Variants in NR3C1 observed in about 807,000 individuals in gnomAD.
NR3C1 encodes nuclear receptor subfamily 3 group C member 1.
In NR3C1, 14 loss-of-function variants were observed where a neutral mutation model predicts 74.0. That is an observed-to-expected ratio of 0.19 (90% confidence interval 0.12 to 0.30). NR3C1 has a LOEUF of 0.30. Among genes scored for constraint, NR3C1 ranks in the 10% least tolerant of loss-of-function variants. NR3C1 has a pLI of 1.00. For synonymous variants in NR3C1, 308 were observed against 332.5 expected (o/e 0.93, Z 0.80); for missense variants, 695 against 909.8 (o/e 0.76, Z 3.04).
chr5:143,389,414 T>C (rs1214653193), intron 2 of NR3C1, among the ~76,000 whole-genome samples: 1 of 152,166 alleles, frequency 6.6e-6, no homozygotes, highest in East Asian at 1.9e-4. Context: ...AGGTTGCTTA[T>C]TGATTTCCCA....
At chr5:143,364,343 A>C (rs1319691579) in intron 2 of NR3C1, among the ~76,000 whole-genome samples, 1 of 152,170 alleles carries the variant, frequency 6.6e-6, no homozygotes, top group Non-Finnish European at 1.5e-5. Flanking sequence ...GATAACAAAA[A>C]CTGTGAGAGT....
chr5:143,289,214 G>T (rs1236660774), intron 7 of NR3C1, among the ~76,000 whole-genome samples: 1 of 152,114 alleles, frequency 6.6e-6, no homozygotes. Flanking sequence ...TCAAGACAGG[G>T]TGTTATCAAT....
chr5:143,353,446 G>A (rs996598118), intron 2 of NR3C1, among the ~76,000 whole-genome samples: 3 of 152,040 alleles, frequency 2.0e-5, no homozygotes, highest in Non-Finnish European at 4.4e-5. Flanking sequence ...AGCAATCACT[G>A]TCTATAGCAG....
chr5:143,321,413 C>T (rs1184674930), intron 2 of NR3C1, among the ~76,000 whole-genome samples: 1 of 152,152 alleles, frequency 6.6e-6, no homozygotes, highest in Non-Finnish European at 1.5e-5. Context: ...GGACCTATTC[C>T]TTCCCATCCA....
At chr5:143,333,127 A>G in intron 2 of NR3C1, 1 of 1,591,468 alleles carries the variant, frequency 6.3e-7, no homozygotes, top group South Asian at 1.1e-5. Context: ...CGCCCTTTCC[A>G]CCTCTCAGTG....
chr5:143,307,119 A>C (rs1253114346), intron 4 of NR3C1, among the ~76,000 whole-genome samples: 1 of 151,970 alleles, frequency 6.6e-6, no homozygotes, highest in Non-Finnish European at 1.5e-5. Flanking sequence ...GATAGTCTCG[A>C]TCTCCTGACC....
chr5:143,400,442 G>C lies in NR3C1; in HGVS notation c.398C>G (p.Thr133Ser). The change falls in exon 2 of 9, where the codon ACC becomes AGC. Residue 133 changes from threonine to serine, a missense_variant. Around this residue, in one of 4 missense-constraint regions of NR3C1, gnomAD observed 497 missense variants for 489.5 expected, o/e 1.02. Transcript: ENST00000394464. ...EESIANLNRS[T>S]SVPENPKSSA... ...ACTCTTGGGGTTCTCTGGAACACTG[G>C]TCGACCTATTGAGGTTTGCAATGCT... 1 of 1,614,208 alleles carries C rather than the reference G, an allele frequency of 6.2e-7. No individual in the cohort carries two copies. Among genetic ancestry groups the C allele is most frequent in the East Asian group, 2.2e-5 (1 of 44,884 alleles).
chr5:143,294,107 C>A (rs994765461), intron 7 of NR3C1: 29 of 984,696 alleles, frequency 2.9e-5, no homozygotes, highest in Non-Finnish European at 3.4e-5. Flanking sequence ...TTTTGTTGAG[C>A]AAAAATAGTG....
chr5:143,292,838 T>G (rs1452822936), intron 7 of NR3C1, among the ~76,000 whole-genome samples: 2 of 152,208 alleles, frequency 1.3e-5, no homozygotes, highest in African/African-American at 4.8e-5. Flanking sequence ...GCTGTTTCTC[T>G]GTATTTGTCT....
Position 143,297,770 on chromosome 5 carries a change from G to A in NR3C1, c.1892+898C>T, listed in dbSNP as rs140944428. 3.9e-3 allele frequency among the ~76,000 whole-genome samples: 599 copies of A among 152,324 alleles called. 11 individuals are homozygous for A. Among genetic ancestry groups the A allele is most frequent in the Non-Finnish European group, 2.6e-3 (179 of 68,028 alleles). ...GGTAGAAAGTGAGAGTAACTAGGAT[G>A]TGACTTCTCTGCTGTGTATCTGGTG... is the stretch of plus-strand genomic sequence containing the variant. On this transcript the variant is annotated intron_variant, in intron 6 of 8. Transcript: ENST00000394464.
chr5:143,425,066 G>A (rs1751461199), intron 1 of NR3C1, among the ~76,000 whole-genome samples: 1 of 152,152 alleles, frequency 6.6e-6, no homozygotes, highest in Non-Finnish European at 1.5e-5. Context: ...CAGTCGGGTA[G>A]AATTGAGAGT....
At chr5:143,324,087 TG>T (rs1397152209) in intron 2 of NR3C1, among the ~76,000 whole-genome samples, 1 of 152,146 alleles carries the variant, frequency 6.6e-6, no homozygotes, top group Non-Finnish European at 1.5e-5. Flanking sequence ...AAGTTGTTGG[TG>T]GATCTACCAT....
rs1040088695 is a variant in NR3C1 at position 143,376,590 on chromosome 5, A to C, written c.1184+23066T>G. ...TCATGTTATCAGGGTTCCAGCTTGC[A>C]TAATCACCTCCTTGGCAACAGAATT... On this transcript the variant is annotated intron_variant, in intron 2 of 8. Coordinates refer to ENST00000394464, the MANE Select transcript of NR3C1 (RefSeq NM_000176.3). 8.5e-5 allele frequency among the ~76,000 whole-genome samples: 13 copies of C among 152,234 alleles called. 1 individual carries two copies. The highest frequency in any genetic ancestry group is 7.9e-4 in the Admixed American group (12 of 15,286).
At chr5:143,303,088 T>G (rs1364391855) in intron 4 of NR3C1, among the ~76,000 whole-genome samples, 2 of 151,920 alleles carry the variant, frequency 1.3e-5, no homozygotes, top group African/African-American at 4.8e-5. Context: ...CAATAAAAAA[T>G]GTAAAAGATG....
chr5:143,406,029 A>C (rs1430222187), upstream of NR3C1, among the ~76,000 whole-genome samples: 1 of 152,174 alleles, frequency 6.6e-6, no homozygotes, highest in Non-Finnish European at 1.5e-5. Context: ...AAAGTGAGTT[A>C]AATAGCCCAT....
In NR3C1 at chr5:143,385,981, A is replaced by C. The variant is rs1837139113; in HGVS notation, c.1184+13675T>G. ...AGAACTAACTGAGACTGGGTAACTT[A>C]CAAAGAAAAGAGGTTCAACTGACTC... On this transcript the variant is annotated intron_variant, in intron 2 of 8. Coordinates refer to ENST00000394464, the MANE Select transcript of NR3C1 (RefSeq NM_000176.3). 2.0e-5 allele frequency among the ~76,000 whole-genome samples: 3 copies of C among 152,362 alleles called. No homozygotes were observed. In the South Asian group the frequency reaches 6.2e-4, roughly 32 times the overall value.
chr5:143,321,371 T>C (rs370303685), intron 2 of NR3C1, among the ~76,000 whole-genome samples: 14 of 152,270 alleles, frequency 9.2e-5, no homozygotes, highest in African/African-American at 3.1e-4. Flanking sequence ...ATCTTCCACA[T>C]CCTATTTATT....
intron 2 of NR3C1, among the ~76,000 whole-genome samples, chr5:143,359,558 T>C (rs1313399614): frequency 1.3e-5 from 2 of 152,230 alleles, no homozygotes; most frequent in Admixed American, 1.3e-4. Context: ...CCATATGGTA[T>C]AGCGTCAAGG....
At chr5:143,334,505 T>G (rs533377232) in intron 2 of NR3C1, among the ~76,000 whole-genome samples, 4 of 152,130 alleles carry the variant, frequency 2.6e-5, no homozygotes, top group African/African-American at 7.2e-5. Flanking sequence ...GCACATTCCA[T>G]GGAGGAAGGA....
Sources: allele counts gnomAD v4.1 joint callset (sites outside exome capture counted in the v4.1 genomes callset), GRCh38; gene constraint gnomAD v4.1.1; regional missense constraint gnomAD v4.1.1; transcripts MANE v1.5; gene names NCBI Gene and HGNC (gene_info 2026-07-23, HGNC 2026-07-21).